Variants in PTPRD observed in about 807,000 individuals in gnomAD.
PTPRD encodes the protein protein tyrosine phosphatase receptor type D.
A neutral mutation model predicts 214.5 loss-of-function variants in PTPRD; 34 were observed. That is an observed-to-expected ratio of 0.16 (90% CI 0.12 to 0.21). The LOEUF is 0.21. Ranked by LOEUF, PTPRD falls within the 10% of genes least tolerant of loss-of-function variation. The pLI is 1.00. For synonymous variants in PTPRD, 1,128 were observed against 845.7 expected (o/e 1.33, Z -5.79); for missense variants, 2,545 against 2,398.7 (o/e 1.06, Z -1.27).
At chr9:9,379,910 T>C (rs1451546218) in intron 9 of PTPRD, among the ~76,000 whole-genome samples, 1 of 152,052 alleles carries the variant, frequency 6.6e-6, no homozygotes, top group Non-Finnish European at 1.5e-5. Flanking sequence ...AGTTGCTTAT[T>C]AGTTCTAGGA....
intron 10 of PTPRD, among the ~76,000 whole-genome samples, chr9:9,156,964 C>G (rs932688699): frequency 6.6e-6 from 1 of 152,210 alleles, no homozygotes; most frequent in East Asian, 1.9e-4. Context: ...TCCACACTCT[C>G]ATTCTCTGCT....
chr9:10,366,901 T>C (rs113701206), intron 2 of PTPRD, among the ~76,000 whole-genome samples: 3,296 of 152,244 alleles, frequency 0.022, 117 homozygotes, highest in African/African-American at 0.076. Context: ...CTATTAATTT[T>C]TGAAAAGAAC....
At chr9:9,487,339 C>T (rs1262541306) in intron 8 of PTPRD, among the ~76,000 whole-genome samples, 2 of 151,768 alleles carry the variant, frequency 1.3e-5, no homozygotes, top group Non-Finnish European at 2.9e-5. Flanking sequence ...CGATAGTTTG[C>T]TGAGAATGAT....
At chr9:9,725,006 C>A (rs1564791243) in intron 7 of PTPRD, among the ~76,000 whole-genome samples, 1 of 152,088 alleles carries the variant, frequency 6.6e-6, no homozygotes, top group East Asian at 1.9e-4. Context: ...TACTTTGTCA[C>A]CCACATTATC....
chr9:9,602,932 A>G (rs2093884769), intron 7 of PTPRD, among the ~76,000 whole-genome samples: 1 of 152,156 alleles, frequency 6.6e-6, no homozygotes, highest in Admixed American at 6.6e-5. Flanking sequence ...ATGATCCTGG[A>G]TAAAATTATT....
rs538866341 is a variant in PTPRD at position 8,581,229 on chromosome 9, A to G, written c.352+52088T>C. On this transcript the variant is annotated intron_variant, in intron 14 of 45. Transcript: ENST00000381196. ...AATCAAACCAAAAATTAAAGAGTTAATATTTCCAGTCATTAAAATGGAAAA... is the reference window on the plus strand; with the variant it reads ...AATCAAACCAAAAATTAAAGAGTTAGTATTTCCAGTCATTAAAATGGAAAA... 2.0e-5 allele frequency among the ~76,000 whole-genome samples: 3 copies of G among 152,324 alleles called. No individual in the cohort carries two copies. In the East Asian group the frequency reaches 5.8e-4, roughly 29 times the overall value.
At chr9:9,106,612 CA>C (rs5896301) in intron 10 of PTPRD, among the ~76,000 whole-genome samples, 8,865 of 71,296 alleles carry the variant, frequency 0.12, 86 homozygotes, top group Middle Eastern at 0.22. Flanking sequence ...ATTCCATAGG[CA>C]AAAAAAAAAA....
intron 14 of PTPRD, among the ~76,000 whole-genome samples, chr9:8,564,256 G>T (rs1593938999): frequency 6.6e-6 from 1 of 152,138 alleles, no homozygotes; most frequent in South Asian, 2.1e-4. Context: ...ATGATGTTCA[G>T]TGGGTTTGAC....
In PTPRD at chr9:8,595,983, G is replaced by A. The variant is rs144634347; in HGVS notation, c.352+37334C>T. Among the ~76,000 whole-genome samples the A allele has an allele frequency of 1.5e-3, 222 of 152,176 alleles. 1 individual carries two copies. Among genetic ancestry groups the A allele is most frequent in the African/African-American group, 5.0e-3 (208 of 41,528 alleles). ...GCTACAAATCATAGGTTAAGTTCCTGGAAGGAAATAACAGGCTGATCAAGG... is the reference window on the plus strand; with the variant it reads ...GCTACAAATCATAGGTTAAGTTCCTAGAAGGAAATAACAGGCTGATCAAGG... On this transcript the variant is annotated intron_variant, in intron 14 of 45. Transcript: ENST00000381196.
intron 14 of PTPRD, among the ~76,000 whole-genome samples, chr9:8,594,611 T>C (rs997397649): frequency 4.6e-5 from 7 of 152,184 alleles, no homozygotes; most frequent in African/African-American, 1.7e-4. Context: ...GCTATTCTCA[T>C]GATAGTGAGT....
In PTPRD at chr9:10,379,755, C is replaced by A. The variant is rs184135622; in HGVS notation, c.-599-38738G>T. 1.2e-3 allele frequency among the ~76,000 whole-genome samples: 178 copies of A among 151,986 alleles called. 1 individual carries two copies. The highest frequency in any genetic ancestry group is 3.9e-3 in the African/African-American group (163 of 41,480). ...TATGTCTTTCTAACTTATTTATGAT[C>A]AAAAATATTAGAGAAACATAATGTA... is the stretch of plus-strand genomic sequence containing the variant. On this transcript the variant is annotated intron_variant, in intron 2 of 45. Transcript: ENST00000381196.
chr9:8,544,610 C>CT (rs1053669405), intron 14 of PTPRD, among the ~76,000 whole-genome samples: 3 of 151,414 alleles, frequency 2.0e-5, no homozygotes, highest in African/African-American at 7.3e-5. Context: ...GCTGGGATTA[C>CT]AGGCGCCAGC....
chr9:10,499,322 T>C (rs1038279536), intron 2 of PTPRD, among the ~76,000 whole-genome samples: 1 of 151,886 alleles, frequency 6.6e-6, no homozygotes, highest in African/African-American at 2.4e-5. Flanking sequence ...GAACTTAATG[T>C]ATAATAAAAA....
At chr9:9,661,068 C>A (rs890477618) in intron 7 of PTPRD, among the ~76,000 whole-genome samples, 1 of 151,944 alleles carries the variant, frequency 6.6e-6, no homozygotes, top group Non-Finnish European at 1.5e-5. Flanking sequence ...AGAAATGAAA[C>A]TTCCTACTTC....
intron 8 of PTPRD, among the ~76,000 whole-genome samples, chr9:9,465,698 C>T (rs147476365): frequency 1.9e-3 from 290 of 152,186 alleles, no homozygotes; most frequent in Admixed American, 3.7e-3. Context: ...GAAAAGGCAC[C>T]AAACATTTAA....
chr9:10,452,586 A>G (rs557179360), intron 2 of PTPRD, among the ~76,000 whole-genome samples: 1 of 151,896 alleles, frequency 6.6e-6, no homozygotes, highest in South Asian at 2.1e-4. Context: ...CACCTCTCTG[A>G]TGATTAATGA....
chr9:9,950,722 C>CAAAAAA (rs922771507), intron 4 of PTPRD, among the ~76,000 whole-genome samples: 70 of 2,666 alleles, frequency 0.026, 18 homozygotes, highest in South Asian at 0.091. Context: ...GACTCCGTCT[C>CAAAAAA]AAAAAAAAAA....
intron 2 of PTPRD, among the ~76,000 whole-genome samples, chr9:10,398,698 A>G (rs556530579): frequency 6.6e-6 from 1 of 152,112 alleles, no homozygotes; most frequent in African/African-American, 2.4e-5. Context: ...AGTAATCGGT[A>G]TTAGTAGTCG....
In PTPRD at chr9:9,081,958, G is replaced by C. The variant is rs147579131; in HGVS notation, c.-142-63223C>G. ...AGACCATAACAAGTTCTGCAACTGAGGCAGTAATTAATAGACTACCAACCA... is the reference window on the plus strand; with the variant it reads ...AGACCATAACAAGTTCTGCAACTGACGCAGTAATTAATAGACTACCAACCA... On this transcript the variant is annotated intron_variant, in intron 10 of 45. Transcript: ENST00000381196. Among the ~76,000 whole-genome samples the C allele has an allele frequency of 4.9e-3, 744 of 151,702 alleles. 3 individuals are homozygous for C. The highest frequency in any genetic ancestry group is 0.048 in the Middle Eastern group (14 of 294).
Sources: gnomAD v4.1 joint callset for allele counts (sites outside exome capture counted in the v4.1 genomes callset) on GRCh38, gnomAD v4.1.1 for gene constraint, MANE v1.5 for transcripts, NCBI Gene and HGNC (gene_info 2026-07-23, HGNC 2026-07-21) for gene names.